Variants in TMEM33 observed in about 807,000 individuals in gnomAD.
The protein encoded by TMEM33 is transmembrane protein 33.
A neutral mutation model predicts 29.7 loss-of-function variants in TMEM33; 16 were observed. The observed-to-expected ratio is 0.54, with a 90% CI of 0.36 to 0.82. The LOEUF (loss-of-function observed/expected upper bound fraction) is 0.82, where lower values mean the gene tolerates loss of function less well. Ranked by LOEUF, TMEM33 falls within the 40% of genes least tolerant of loss-of-function variation. The pLI is 0.00. For missense variants in TMEM33, 252 were observed against 295.3 expected (o/e 0.85, Z 1.08); for synonymous variants, 112 against 109.4 (o/e 1.02, Z -0.15).
chr4:41,941,422 A>T (rs1577648927), intron 3 of TMEM33, among the ~76,000 whole-genome samples: 2 of 152,302 alleles, frequency 1.3e-5, no homozygotes, highest in South Asian at 2.1e-4. Flanking sequence ...TTGGAGGGAG[A>T]AATAGAAATG....
chr4:41,951,159 T>C (rs895845467), intron 6 of TMEM33, among the ~76,000 whole-genome samples: 1 of 152,188 alleles, frequency 6.6e-6, no homozygotes, highest in Non-Finnish European at 1.5e-5. Flanking sequence ...TTCAGTTGTT[T>C]TTGGATCTCT....
At position 41,954,790 on chromosome 4, in the gene TMEM33, C is replaced by T. The variant is rs1030158467; in HGVS notation, c.*591C>T. ...CTATGATCTTCTAAAATTTTATTTC[C>T]GTAAGTACTTCTGTGGCCTTGAGTA... On this transcript the variant is annotated 3_prime_UTR_variant, in exon 7 of 7. Coordinates refer to ENST00000504986, the MANE Select transcript of TMEM33 (RefSeq NM_018126.3). 2 of 152,412 alleles carry T rather than the reference C, an allele frequency of 1.3e-5. No individual in the cohort carries two copies. The highest frequency in any genetic ancestry group is 6.6e-5 in the Admixed American group (1 of 15,258). The allele number at this position is 152,412 out of a possible 1,614,324, so 9.4% of individuals were successfully genotyped here.
intron 1 of TMEM33, among the ~76,000 whole-genome samples, chr4:41,938,401 A>G (rs911842242): frequency 5.9e-5 from 9 of 152,216 alleles, no homozygotes; most frequent in Non-Finnish European, 7.3e-5. Context: ...TGCTTTCCAC[A>G]TGAAAACTAT....
At chr4:41,951,064 CTT>C (rs60727055) in intron 6 of TMEM33, among the ~76,000 whole-genome samples, 89,729 of 151,898 alleles carry the variant, frequency 0.59, 32,228 homozygotes, top group East Asian at 0.95. Context: ...CAGTACTACA[CTT>C]TTTTTAATTA....
At chr4:41,936,593 G>T (rs1391696097) in intron 1 of TMEM33, among the ~76,000 whole-genome samples, 2 of 152,062 alleles carry the variant, frequency 1.3e-5, no homozygotes, top group Non-Finnish European at 2.9e-5. Flanking sequence ...GTGGAGGTGC[G>T]CTCCTATAGT....
At position 41,954,830 on chromosome 4, in the gene TMEM33, C is replaced by G. The variant is rs926984081; in HGVS notation, c.*631C>G. 6 of 152,412 alleles carry G rather than the reference C, an allele frequency of 3.9e-5. No homozygotes were observed. Among genetic ancestry groups the G allele is most frequent in the Admixed American group, 3.3e-4 (5 of 15,268 alleles). The allele number at this position is 152,412 out of a possible 1,614,324, so 9.4% of individuals were successfully genotyped here. A position where few individuals can be genotyped will look rare whatever the true frequency, so the allele number is the denominator to read the frequency against. ...GGCCTTGAGTATTTTTTAAAAGGCT[C>G]AACTGTAAGCCTCTTAGCCAGTTGG... On this transcript the variant is annotated 3_prime_UTR_variant, in exon 7 of 7. Transcript: ENST00000504986.
upstream of TMEM33, chr4:41,935,383 C>T: frequency 7.8e-7 from 1 of 1,284,334 alleles, no homozygotes; most frequent in Non-Finnish European, 1.1e-6. Flanking sequence ...TGGCGCGAGG[C>T]AGGGAAGCCG....
At chr4:41,943,140 G>C (rs1712617414) in intron 3 of TMEM33, among the ~76,000 whole-genome samples, 1 of 152,290 alleles carries the variant, frequency 6.6e-6, no homozygotes, top group Non-Finnish European at 1.5e-5. Flanking sequence ...GGGTGGCCTA[G>C]ATTTCAGTTT....
At chr4:41,935,360 TC>T, upstream of TMEM33, 1 of 1,060,520 alleles carries the variant, frequency 9.4e-7, no homozygotes, top group East Asian at 2.6e-5. Flanking sequence ...GCAGGGTGCA[TC>T]CGGCCTGTGT....
chr4:41,943,385 C>T (rs1290230286), intron 3 of TMEM33, among the ~76,000 whole-genome samples: 3 of 151,968 alleles, frequency 2.0e-5, no homozygotes, highest in African/African-American at 7.3e-5. Flanking sequence ...ATTAGCTGGG[C>T]GTGGTGGCAG....
intron 5 of TMEM33, among the ~76,000 whole-genome samples, chr4:41,947,463 C>T (rs987237220): frequency 4.6e-5 from 7 of 152,094 alleles, no homozygotes; most frequent in African/African-American, 1.7e-4. Context: ...CAGGTTTTGA[C>T]TGCGTTGGTA....
chr4:41,937,877 T>C (rs1469819671), intron 1 of TMEM33, among the ~76,000 whole-genome samples: 1 of 151,928 alleles, frequency 6.6e-6, no homozygotes, highest in Admixed American at 6.6e-5. Flanking sequence ...GAAAATGGTA[T>C]AGGAAAGTTT....
chr4:41,935,368 G>C (rs1712168752), upstream of TMEM33: 5 of 1,134,692 alleles, frequency 4.4e-6, no homozygotes, highest in Non-Finnish European at 6.5e-6. Context: ...CATCCGGCCT[G>C]TGTGTGGCGC....
In TMEM33 at chr4:41,959,045, G is replaced by A. The variant is rs1471484628; in HGVS notation, c.*4846G>A. 6.6e-6 allele frequency: 1 copy of A among 151,954 alleles called. No homozygotes were observed. The highest frequency in any genetic ancestry group is 1.5e-5 in the Non-Finnish European group (1 of 68,010). 9.4% of individuals were successfully genotyped at this position (151,954 alleles called of 1,614,324 possible). ...GACAACTAGTTTCCCTTAACTCATT[G>A]GAATTCTCTAGGATTAGGAGAATTC... On this transcript the variant is annotated 3_prime_UTR_variant, in exon 7 of 7. Transcript: ENST00000504986.
chr4:41,947,065 G>C (rs554870403), intron 5 of TMEM33, among the ~76,000 whole-genome samples: 10 of 151,950 alleles, frequency 6.6e-5, no homozygotes, highest in Non-Finnish European at 1.5e-4. Flanking sequence ...GTGAAACCCC[G>C]TCTCTACTAA....
Position 41,944,931 on chromosome 4 carries a change from G to C in TMEM33, c.530+5G>C. 1 of 1,606,466 alleles carries C rather than the reference G, an allele frequency of 6.2e-7. No individual in the cohort carries two copies. Among genetic ancestry groups the C allele is most frequent in the Non-Finnish European group, 8.5e-7 (1 of 1,178,286 alleles). On this transcript the variant is annotated splice_donor_5th_base_variant and intron_variant, in intron 5 of 6. Coordinates refer to ENST00000504986, the MANE Select transcript of TMEM33 (RefSeq NM_018126.3). ...GACAGTTTTTATGCTTTTTAGGTAA[G>C]GAAAAATTATATTTGTTTTGGGAGG... is the stretch of plus-strand genomic sequence containing the variant.
intron 6 of TMEM33, among the ~76,000 whole-genome samples, chr4:41,950,614 A>G (rs1400041361): frequency 6.6e-6 from 1 of 152,172 alleles, no homozygotes; most frequent in Non-Finnish European, 1.5e-5. Flanking sequence ...TTTTTATAAT[A>G]CTTTCTAAAA....
At position 41,955,094 on chromosome 4, in the gene TMEM33, T is replaced by A. The variant is rs143051910; in HGVS notation, c.*895T>A. ...CAATTGCAACAGTTTAGATGCCTTT[T>A]GAAAGGAATGTAATGAAGATTCAGC... is the stretch of plus-strand genomic sequence containing the variant. On this transcript the variant is annotated 3_prime_UTR_variant, in exon 7 of 7. Transcript: ENST00000504986. 9.0e-3 allele frequency: 1,382 copies of A among 152,766 alleles called. 11 individuals are homozygous for A. The highest frequency in any genetic ancestry group is 0.02 in the Middle Eastern group (6 of 294). The allele number at this position is 152,766 out of a possible 1,614,324, so 9.5% of individuals were successfully genotyped here.
At chr4:41,935,278 T>G, upstream of TMEM33, 1 of 633,188 alleles carries the variant, frequency 1.6e-6, no homozygotes, top group Non-Finnish European at 2.8e-6. Flanking sequence ...TCCCGGCTGC[T>G]GCGGGTGCCC....
Sources: gnomAD v4.1 joint callset for allele counts (sites outside exome capture counted in the v4.1 genomes callset) on GRCh38, gnomAD v4.1.1 for gene constraint, MANE v1.5 for transcripts, NCBI Gene and HGNC (gene_info 2026-07-23, HGNC 2026-07-21) for gene names.